EPHB2: variants seen among roughly 807,000 people sequenced by gnomAD.
The protein encoded by EPHB2 is ephrin type-B receptor 2.
EPHB2 carries 18 observed loss-of-function variants against 96.4 expected under a neutral mutation model. That is an observed-to-expected ratio of 0.19 (90% CI 0.13 to 0.28). EPHB2 has a LOEUF of 0.28. EPHB2 is among the 10% of genes least tolerant of loss of function. The pLI is 1.00. For missense variants in EPHB2, 989 were observed against 1,355.4 expected, an observed-to-expected ratio of 0.73 and a Z score of 4.25; for synonymous variants, 506 against 534.1, an observed-to-expected ratio of 0.95 and a Z score of 0.72.
At chr1:22,754,223 G>T (rs1005214107) in intron 1 of EPHB2, among the ~76,000 whole-genome samples, 18 of 152,064 alleles carry the variant, frequency 1.2e-4, no homozygotes, top group African/African-American at 4.1e-4. Context: ...TGGCTCAAAG[G>T]TGCTCAGAAA....
chr1:22,801,022 G>T (rs902296743), intron 3 of EPHB2, among the ~76,000 whole-genome samples: 2 of 152,208 alleles, frequency 1.3e-5, no homozygotes, highest in African/African-American at 4.8e-5. Context: ...GGACCTGCTT[G>T]TCGTGCTCAG....
intron 1 of EPHB2, among the ~76,000 whole-genome samples, chr1:22,714,171 G>T (rs1472154934): frequency 6.6e-6 from 1 of 152,178 alleles, no homozygotes; most frequent in Non-Finnish European, 1.5e-5. Context: ...GAAAAGAGTG[G>T]GCGAGACAGA....
At chr1:22,828,255 G>A (rs1645253046) in intron 3 of EPHB2, among the ~76,000 whole-genome samples, 1 of 152,118 alleles carries the variant, frequency 6.6e-6, no homozygotes, top group Non-Finnish European at 1.5e-5. Flanking sequence ...TGCAGTGTGG[G>A]GTTCATGAGT....
At chr1:22,749,689 C>G (rs1013498465) in intron 1 of EPHB2, among the ~76,000 whole-genome samples, 1 of 152,136 alleles carries the variant, frequency 6.6e-6, no homozygotes, top group African/African-American at 2.4e-5. Flanking sequence ...GTCTCCTCCC[C>G]GTCCACAGGG....
chr1:22,758,028 C>G (rs1160195577), intron 1 of EPHB2, among the ~76,000 whole-genome samples: 3 of 148,892 alleles, frequency 2.0e-5, no homozygotes, highest in African/African-American at 7.5e-5. Flanking sequence ...ACGCCATTCT[C>G]CTGCCTCAGC....
chr1:22,761,382 T>A (rs1644233842), intron 1 of EPHB2, among the ~76,000 whole-genome samples: 1 of 152,216 alleles, frequency 6.6e-6, no homozygotes, highest in Non-Finnish European at 1.5e-5. Context: ...TCCATCTGAC[T>A]TTTCTGTGTT....
chr1:22,864,108 T>A (rs1048492591), intron 4 of EPHB2, among the ~76,000 whole-genome samples: 1 of 150,594 alleles, frequency 6.6e-6, no homozygotes, highest in Non-Finnish European at 1.5e-5. Flanking sequence ...AATGGCATCA[T>A]GATCTCAGCT....
In EPHB2 at chr1:22,858,228, G is replaced by GA. The variant is rs1645733202; in HGVS notation, c.812-4809_812-4808insA. Among the ~76,000 whole-genome samples the GA allele has an allele frequency of 6.9e-6, 1 of 145,820 alleles. No individual in the cohort carries two copies. The highest frequency in any genetic ancestry group is 2.4e-5 in the African/African-American group (1 of 41,020). On this transcript the variant is annotated intron_variant, in intron 3 of 15. Transcript: ENST00000374630. This position sits in a 1 kb window ranked among gnomAD's most constrained non-coding sequence, Gnocchi z 7.7. ...ACAGGCAGGAGCGCAGTGAGTGAGA[G>GA]GAGGAGGGGGAAGCGTCCAGGAGAC...
chr1:22,875,072 C>T lies in EPHB2; in HGVS notation c.1304-7287C>T, dbSNP rs994683995. ...TAGCCACAGAATACGCAGTGCCACC[C>T]TAGCACCAGTTGTCAGCTTTTCCTT... On this transcript the variant is annotated intron_variant, in intron 5 of 15. Transcript: ENST00000374630. This position sits in a 1 kb window ranked among gnomAD's most constrained non-coding sequence, Gnocchi z 4.2. 6.6e-6 allele frequency among the ~76,000 whole-genome samples: 1 copy of T among 152,212 alleles called. No homozygotes were observed. Among genetic ancestry groups the T allele is most frequent in the African/African-American group, 2.4e-5 (1 of 41,456 alleles).
intron 3 of EPHB2, among the ~76,000 whole-genome samples, chr1:22,856,009 G>C (rs1343990379): frequency 6.6e-6 from 1 of 152,178 alleles, no homozygotes; most frequent in Non-Finnish European, 1.5e-5. Context: ...CAGAGCCACA[G>C]ACAGCGCCCT....
intron 6 of EPHB2, among the ~76,000 whole-genome samples, chr1:22,889,285 C>T (rs1340357964): frequency 6.6e-6 from 1 of 152,138 alleles, no homozygotes; most frequent in Non-Finnish European, 1.5e-5. Context: ...AACCAGCAGC[C>T]GCCTCTCATC....
intron 5 of EPHB2, among the ~76,000 whole-genome samples, chr1:22,877,014 G>A (rs992605394): frequency 2.6e-5 from 4 of 152,224 alleles, no homozygotes; most frequent in African/African-American, 7.2e-5. Flanking sequence ...GAGCTGGGGC[G>A]GGCCGGGTGG....
chr1:22,874,145 G>A (rs550177680), intron 5 of EPHB2, among the ~76,000 whole-genome samples: 7 of 152,308 alleles, frequency 4.6e-5, no homozygotes, highest in Admixed American at 4.6e-4. Flanking sequence ...GGTGCTGTTT[G>A]AGAATCTGAG....
Position 22,858,235 on chromosome 1 carries a change from G to A in EPHB2, c.812-4802G>A, listed in dbSNP as rs1182508277. Among the ~76,000 whole-genome samples, 1 of 105,002 alleles carries A rather than the reference G, an allele frequency of 9.5e-6. No homozygotes were observed. The highest frequency in any genetic ancestry group is 2.5e-5 in the Non-Finnish European group (1 of 39,750). The allele number at this position is 105,002 out of a possible 152,430, so 68.9% of individuals were successfully genotyped here. ...GGAGCGCAGTGAGTGAGAGGAGGAGGGGGAAGCGTCCAGGAGACCATCAGG... is the reference window on the plus strand; with the variant it reads ...GGAGCGCAGTGAGTGAGAGGAGGAGAGGGAAGCGTCCAGGAGACCATCAGG... On this transcript the variant is annotated intron_variant, in intron 3 of 15. Transcript: ENST00000374630. The surrounding 1 kb of genome is among the most constrained non-coding windows in gnomAD (Gnocchi z 7.7).
At chr1:22,840,800 A>G (rs1645456196) in intron 3 of EPHB2, among the ~76,000 whole-genome samples, 1 of 152,016 alleles carries the variant, frequency 6.6e-6, no homozygotes, top group Admixed American at 6.5e-5. Context: ...GGAGCTAACC[A>G]CCCATTCCGT....
chr1:22,908,531 G>A (rs1639990438), intron 12 of EPHB2, among the ~76,000 whole-genome samples: 1 of 152,256 alleles, frequency 6.6e-6, no homozygotes, highest in Non-Finnish European at 1.5e-5. Flanking sequence ...TGTAGGGGCA[G>A]TGGTAGTGAG....
intron 9 of EPHB2, among the ~76,000 whole-genome samples, chr1:22,899,328 C>A (rs1006068762): frequency 6.6e-6 from 1 of 151,550 alleles, no homozygotes; most frequent in East Asian, 1.9e-4. Context: ...ATGGTGAAAC[C>A]CCATCTCTAC....
At chr1:22,901,547 A>G (rs890581849) in intron 9 of EPHB2, among the ~76,000 whole-genome samples, 1 of 152,186 alleles carries the variant, frequency 6.6e-6, no homozygotes, top group South Asian at 2.1e-4. Context: ...CATCCAAACA[A>G]CAGCCCAGGA....
chr1:22,840,967 C>T (rs1645459046), intron 3 of EPHB2, among the ~76,000 whole-genome samples: 1 of 152,152 alleles, frequency 6.6e-6, no homozygotes, highest in Non-Finnish European at 1.5e-5. Flanking sequence ...GGTCTGACTC[C>T]CAAAGCCACT....
Sources: allele counts gnomAD v4.1 joint callset (sites outside exome capture counted in the v4.1 genomes callset), GRCh38; gene constraint gnomAD v4.1.1; non-coding constraint Gnocchi (gnomAD v3.1); transcripts MANE v1.5; gene names NCBI Gene and HGNC (gene_info 2026-07-23, HGNC 2026-07-21).